The following LAPTM4B variants were observed in gnomAD, a reference collection of about 807,000 sequenced individuals.
LAPTM4B encodes the protein lysosomal-associated transmembrane protein 4B.
Under a neutral mutation model 28.5 loss-of-function variants are expected in LAPTM4B, and 26 were observed. That is an observed-to-expected ratio of 0.91 (90% CI 0.67 to 1.27). The LOEUF is 1.27. Among genes scored for constraint, LAPTM4B ranks in the 50% most tolerant of loss-of-function variants. The pLI is 0.00. For missense variants in LAPTM4B, 288 were observed against 285.8 expected, an observed-to-expected ratio of 1.01 and a Z score of -0.06; for synonymous variants, 109 against 106.4, an observed-to-expected ratio of 1.02 and a Z score of -0.15.
intron 1 of LAPTM4B, among the ~76,000 whole-genome samples, chr8:97,778,057 T>C (rs1816254947): frequency 6.6e-6 from 1 of 152,198 alleles, no homozygotes; most frequent in Non-Finnish European, 1.5e-5. Context: ...GTAGGTGTGA[T>C]AAAAGGAGAG....
intron 1 of LAPTM4B, among the ~76,000 whole-genome samples, chr8:97,779,348 G>A (rs1327285880): frequency 1.3e-5 from 2 of 152,100 alleles, no homozygotes; most frequent in Non-Finnish European, 2.9e-5. Flanking sequence ...AATTAGGTGC[G>A]GTGGTGTAGG....
intron 6 of LAPTM4B, among the ~76,000 whole-genome samples, chr8:97,839,485 G>T (rs566716941): frequency 1.3e-5 from 2 of 152,134 alleles, no homozygotes; most frequent in African/African-American, 2.4e-5. Flanking sequence ...GAACCACTGC[G>T]CCCGGCCACC....
At chr8:97,811,222 C>T (rs1276314614) in intron 2 of LAPTM4B, among the ~76,000 whole-genome samples, 1 of 152,128 alleles carries the variant, frequency 6.6e-6, no homozygotes, top group Non-Finnish European at 1.5e-5. Flanking sequence ...ACCCTATGGC[C>T]CTGCATTCCA....
intron 6 of LAPTM4B, among the ~76,000 whole-genome samples, chr8:97,827,010 A>G (rs1175636168): frequency 6.6e-6 from 1 of 152,242 alleles, no homozygotes; most frequent in Non-Finnish European, 1.5e-5. Flanking sequence ...TGTAAATTTC[A>G]TGGCACATAG....
chr8:97,796,535 ATTATGC>A (rs1258986588), intron 1 of LAPTM4B, among the ~76,000 whole-genome samples: 7 of 152,216 alleles, frequency 4.6e-5, no homozygotes, highest in Admixed American at 4.6e-4. Context: ...TTATGCTTAC[ATTATGC>A]TTACATTAGA....
At chr8:97,843,215 C>T (rs1391535070) in intron 6 of LAPTM4B, among the ~76,000 whole-genome samples, 6 of 152,100 alleles carry the variant, frequency 3.9e-5, no homozygotes, top group Middle Eastern at 3.2e-3. Flanking sequence ...TACATTTGGC[C>T]GGGCCATCCG....
intron 1 of LAPTM4B, among the ~76,000 whole-genome samples, chr8:97,796,797 G>A (rs1369231467): frequency 2.0e-5 from 3 of 152,058 alleles, no homozygotes; most frequent in African/African-American, 7.2e-5. Flanking sequence ...AAAATTAGCT[G>A]GATGTGGTAG....
chr8:97,822,648 AT>A (rs1817024662), intron 5 of LAPTM4B, among the ~76,000 whole-genome samples: 1 of 151,890 alleles, frequency 6.6e-6, no homozygotes, highest in Non-Finnish European at 1.5e-5. Context: ...TATACTACTC[AT>A]TGATGTATTT....
At chr8:97,851,180 A>G (rs1817518547) in intron 6 of LAPTM4B, among the ~76,000 whole-genome samples, 1 of 152,184 alleles carries the variant, frequency 6.6e-6, no homozygotes, top group East Asian at 1.9e-4. Context: ...CTACACATGG[A>G]CAGGGTTAGA....
chr8:97,830,177 G>A (rs1448648264), intron 6 of LAPTM4B, among the ~76,000 whole-genome samples: 1 of 152,148 alleles, frequency 6.6e-6, no homozygotes, highest in East Asian at 1.9e-4. Context: ...TGCTAAGAAA[G>A]GATTAGAGAC....
At chr8:97,818,419 A>T (rs151042113) in intron 4 of LAPTM4B, among the ~76,000 whole-genome samples, 1 of 152,314 alleles carries the variant, frequency 6.6e-6, no homozygotes, top group East Asian at 1.9e-4. Flanking sequence ...TAGGCCAGTG[A>T]TGTAGGCGTT....
intron 1 of LAPTM4B, chr8:97,788,332 C>T (rs182748371): frequency 5.6e-6 from 2 of 359,050 alleles, no homozygotes; most frequent in East Asian, 8.3e-5. Context: ...GGCCAGGAAA[C>T]AATCCTGAAA....
chr8:97,815,368 G>T lies in LAPTM4B; in HGVS notation c.252G>T (p.Leu84=), dbSNP rs1816894254. The T allele has an allele frequency of 1.2e-6, 2 of 1,613,874 alleles. No individual in the cohort carries two copies. The highest frequency in any genetic ancestry group is 3.3e-5 in the Admixed American group (2 of 59,998). ...IAIAISLLMI[L]ICAMATYGAY... ...TTGCGATTTCTCTTCTCATGATCCT[G>T]ATATGTGCTATGGCTACTTACGGAG... Residue 84 remains leucine (L), a synonymous_variant, in exon 3 of 7, where the codon CTG becomes CTT. Coordinates refer to ENST00000521545, the MANE Select transcript of LAPTM4B (RefSeq NM_018407.6).
chr8:97,848,686 T>C (rs1817468243), intron 6 of LAPTM4B, among the ~76,000 whole-genome samples: 2 of 152,306 alleles, frequency 1.3e-5, no homozygotes, highest in South Asian at 4.1e-4. Context: ...CTCTACTGTG[T>C]TTTAGGATAA....
At position 97,815,341 on chromosome 8, in the gene LAPTM4B, C is replaced by A. The variant is rs567409055; in HGVS notation, c.225C>A (p.Ala75=). Residue 75 remains alanine (A), a synonymous_variant, in exon 3 of 7, where the codon GCC becomes GCA. Coordinates refer to ENST00000521545, the MANE Select transcript of LAPTM4B (RefSeq NM_018407.6). ...ATCTTTCGGCAGACATGTGCATTGC[C>A]ATTGCGATTTCTCTTCTCATGATCC... ...EFMDDANMCI[A]IAISLLMILI... 9.3e-6 allele frequency: 15 copies of A among 1,613,722 alleles called. No homozygotes were observed. The highest frequency in any genetic ancestry group is 1.3e-5 in the Non-Finnish European group (15 of 1,179,822).
intron 6 of LAPTM4B, among the ~76,000 whole-genome samples, chr8:97,832,011 GA>G (rs1429925269): frequency 2.6e-5 from 4 of 152,098 alleles, no homozygotes; most frequent in African/African-American, 9.7e-5. Flanking sequence ...GAGAGCAGAG[GA>G]AAAACACAGC....
intron 6 of LAPTM4B, among the ~76,000 whole-genome samples, chr8:97,827,042 T>C (rs1186411155): frequency 8.5e-5 from 13 of 152,208 alleles, no homozygotes; most frequent in Non-Finnish European, 1.5e-5. Context: ...CCACCATCTT[T>C]TAGAAGTATC....
Position 97,792,482 on chromosome 8 carries a change from T to C in LAPTM4B, c.100-12871T>C, listed in dbSNP as rs1249063097. Among the ~76,000 whole-genome samples, 4 of 152,302 alleles carry C rather than the reference T, an allele frequency of 2.6e-5. 1 individual carries two copies. The highest frequency in any genetic ancestry group is 9.6e-5 in the African/African-American group (4 of 41,570). Reference sequence around the variant, plus strand: ...GTTGTTCAGGCTGGTCTCAAACTCCTGAGCTCAAATGATCCACCTCCCTTG... The same window carrying C: ...GTTGTTCAGGCTGGTCTCAAACTCCCGAGCTCAAATGATCCACCTCCCTTG... On this transcript the variant is annotated intron_variant, in intron 1 of 6. Coordinates refer to ENST00000521545, the MANE Select transcript of LAPTM4B (RefSeq NM_018407.6).
intron 6 of LAPTM4B, among the ~76,000 whole-genome samples, chr8:97,839,125 C>T (rs1817306366): frequency 6.6e-6 from 1 of 152,180 alleles, no homozygotes; most frequent in Admixed American, 6.5e-5. Flanking sequence ...TTCAGGCTGA[C>T]AGTATGTGAC....
Sources: gnomAD v4.1 joint callset for allele counts (sites outside exome capture counted in the v4.1 genomes callset) on GRCh38, gnomAD v4.1.1 for gene constraint, MANE v1.5 for transcripts, NCBI Gene and HGNC (gene_info 2026-07-23, HGNC 2026-07-21) for gene names.